ANO4: variants seen among roughly 807,000 people sequenced by gnomAD.
ANO4 encodes the protein anoctamin-4.
ANO4 carries 69 observed loss-of-function variants against 141.9 expected under a neutral mutation model. The observed-to-expected ratio is 0.49, with a 90% confidence interval of 0.40 to 0.59. The LOEUF (loss-of-function observed/expected upper bound fraction) is 0.59. Among genes scored for constraint, ANO4 ranks in the 20% least tolerant of loss-of-function variants. The pLI, the probability that ANO4 is intolerant of heterozygous loss-of-function variation, is 0.00. For synonymous variants in ANO4, 350 were observed against 394.3 expected (o/e 0.89, Z 1.33); for missense variants, 894 against 1,162.2 (o/e 0.77, Z 3.36).
At chr12:100,757,240 C>T (rs191429219) in intron 3 of ANO4, among the ~76,000 whole-genome samples, 14 of 152,310 alleles carry the variant, frequency 9.2e-5, no homozygotes, top group African/African-American at 3.4e-4. Flanking sequence ...ATCTCCCTGC[C>T]TTGGTTCAAA....
intron 1 of ANO4, among the ~76,000 whole-genome samples, chr12:100,898,106 A>G (rs2040427781): frequency 6.6e-6 from 1 of 152,250 alleles, no homozygotes; most frequent in African/African-American, 2.4e-5. Context: ...TTTGTAAAAC[A>G]TAGATACCAA....
At chr12:100,831,001 T>C (rs1036069891) in intron 1 of ANO4, among the ~76,000 whole-genome samples, 14 of 152,138 alleles carry the variant, frequency 9.2e-5, no homozygotes, top group African/African-American at 3.1e-4. Flanking sequence ...TAAAAATCTA[T>C]TTCTGCCTCA....
intron 3 of ANO4, among the ~76,000 whole-genome samples, chr12:100,932,866 G>C (rs557077574): frequency 6.6e-6 from 1 of 152,112 alleles, no homozygotes; most frequent in African/African-American, 2.4e-5. Flanking sequence ...TCGTTGTTCA[G>C]TTATAATATG....
At chr12:100,943,880 C>T (rs954649076) in intron 5 of ANO4, among the ~76,000 whole-genome samples, 4 of 152,070 alleles carry the variant, frequency 2.6e-5, no homozygotes, top group East Asian at 1.9e-4. Context: ...CTTAATCATG[C>T]CTTCTTCTTT....
intron 14 of ANO4, among the ~76,000 whole-genome samples, chr12:101,058,557 C>T (rs2048221758): frequency 6.6e-6 from 1 of 152,132 alleles, no homozygotes; most frequent in Non-Finnish European, 1.5e-5. Context: ...GTTTGTAATT[C>T]TCCTTGAAGA....
rs374798770 is a variant in ANO4 at position 100,893,912 on chromosome 12, A to G, written c.-140-7734A>G. ...ATCTAAAGGAGGATTTGAAGGAGAG[A>G]AAGCACCAATAATCTAACTGCAGCA... On this transcript the variant is annotated intron_variant, in intron 1 of 27. Transcript: ENST00000392977. 2.8e-4 allele frequency among the ~76,000 whole-genome samples: 42 copies of G among 152,286 alleles called. No homozygotes were observed. The South Asian group carries it at 8.7e-3, about 32-fold the overall frequency.
intron 5 of ANO4, among the ~76,000 whole-genome samples, chr12:100,944,461 AC>A (rs758095783): frequency 8.6e-5 from 13 of 151,894 alleles, no homozygotes; most frequent in Non-Finnish European, 1.6e-4. Flanking sequence ...ATATGGCAAA[AC>A]ATCATAAAAA....
chr12:100,897,812 G>A (rs529873608), intron 1 of ANO4, among the ~76,000 whole-genome samples: 5 of 152,300 alleles, frequency 3.3e-5, no homozygotes, highest in African/African-American at 9.6e-5. Context: ...CAGCCTGGAC[G>A]ATGCCATGGG....
chr12:101,084,703 T>C (rs2049412161), intron 16 of ANO4, among the ~76,000 whole-genome samples: 1 of 152,230 alleles, frequency 6.6e-6, no homozygotes, highest in Non-Finnish European at 1.5e-5. Flanking sequence ...CTACAGATAC[T>C]GCTTTTAAGC....
intron 1 of ANO4, among the ~76,000 whole-genome samples, chr12:100,832,001 T>C: frequency 6.6e-6 from 1 of 152,122 alleles, no homozygotes; most frequent in Non-Finnish European, 1.5e-5. Context: ...ATATTACAAA[T>C]GATTCCATTT....
chr12:100,996,087 T>G (rs1431326091), intron 8 of ANO4, among the ~76,000 whole-genome samples: 1 of 152,230 alleles, frequency 6.6e-6, no homozygotes, highest in Non-Finnish European at 1.5e-5. Flanking sequence ...ACTGATAATC[T>G]ATCTTCTCTA....
At chr12:100,972,275 G>A (rs1566074211) in intron 6 of ANO4, among the ~76,000 whole-genome samples, 1 of 152,224 alleles carries the variant, frequency 6.6e-6, no homozygotes, top group Non-Finnish European at 1.5e-5. Flanking sequence ...CTCTTAATGA[G>A]CTGTGGAAAG....
intron 1 of ANO4, among the ~76,000 whole-genome samples, chr12:100,828,605 A>G (rs1413625148): frequency 6.6e-6 from 1 of 152,064 alleles, no homozygotes; most frequent in East Asian, 1.9e-4. Context: ...CTTATTCTTT[A>G]TATCTTTTAC....
At chr12:100,940,541 C>T (rs531098444) in intron 4 of ANO4, among the ~76,000 whole-genome samples, 9 of 152,272 alleles carry the variant, frequency 5.9e-5, no homozygotes, top group African/African-American at 1.9e-4. Flanking sequence ...CAGGTAGACT[C>T]CTGAGTGTCT....
In ANO4 at chr12:100,820,748, A is replaced by G. The variant is rs144367451; in HGVS notation, c.-141+25721A>G. 1.6e-3 allele frequency among the ~76,000 whole-genome samples: 238 copies of G among 152,160 alleles called. 2 individuals carry two copies. Among genetic ancestry groups the G allele is most frequent in the African/African-American group, 5.3e-3 (220 of 41,534 alleles). On this transcript the variant is annotated intron_variant, in intron 1 of 27. Transcript: ENST00000392977. Reference sequence around the variant, plus strand: ...ACCCCAAAGTGTCTCCTGAAGGCCTATTCATCCTGGGTTTGCAATGCTGGG... The same window carrying G: ...ACCCCAAAGTGTCTCCTGAAGGCCTGTTCATCCTGGGTTTGCAATGCTGGG...
upstream of ANO4, among the ~76,000 whole-genome samples, chr12:100,794,236 G>A (rs971569844): frequency 4.6e-5 from 7 of 152,094 alleles, no homozygotes; most frequent in East Asian, 1.9e-4. Context: ...GGTCCAAAGC[G>A]CCATTACTGT....
chr12:100,943,342 TGTTCCTCAAGGC>T (rs150546668), intron 5 of ANO4, among the ~76,000 whole-genome samples: 44,126 of 152,074 alleles, frequency 0.29, 6,618 homozygotes, highest in Admixed American at 0.34. Context: ...CTTCTGATTC[TGTTCCTCAAGGC>T]TGAGGGGATA....
intron 17 of ANO4, among the ~76,000 whole-genome samples, chr12:101,087,881 C>G (rs1593236702): frequency 6.6e-6 from 1 of 152,190 alleles, no homozygotes; most frequent in South Asian, 2.1e-4. Context: ...AAGTCCCACC[C>G]TGGTCCAAGT....
chr12:100,742,344 T>C (rs1199128891), intron 3 of ANO4, among the ~76,000 whole-genome samples: 1 of 152,142 alleles, frequency 6.6e-6, no homozygotes, highest in Non-Finnish European at 1.5e-5. Flanking sequence ...ATAGTTTCCT[T>C]TCTTTTTATT....
Sources: gnomAD v4.1 joint callset for allele counts (sites outside exome capture counted in the v4.1 genomes callset) on GRCh38, gnomAD v4.1.1 for gene constraint, MANE v1.5 for transcripts, NCBI Gene and HGNC (gene_info 2026-07-23, HGNC 2026-07-21) for gene names.